The following JAKMIP3 variants were observed in gnomAD, a reference collection of about 807,000 sequenced individuals.
The protein encoded by JAKMIP3 is janus kinase and microtubule-interacting protein 3.
A neutral mutation model predicts 118.5 loss-of-function variants in JAKMIP3; 58 were observed. That is an observed-to-expected ratio of 0.49 (90% CI 0.40 to 0.61). JAKMIP3 has a LOEUF of 0.61. Ranked by LOEUF, JAKMIP3 falls within the 20% of genes least tolerant of loss-of-function variation. The pLI is 0.00. For missense variants in JAKMIP3, 950 were observed against 1,109.0 expected, an observed-to-expected ratio of 0.86 and a Z score of 2.04; for synonymous variants, 486 against 451.2, an observed-to-expected ratio of 1.08 and a Z score of -0.98.
chr10:132,161,525 C>CGTG (rs2058320238), intron 19 of JAKMIP3, among the ~76,000 whole-genome samples: 1 of 51,776 alleles, frequency 1.9e-5, no homozygotes, highest in Non-Finnish European at 3.6e-5. Flanking sequence ...GCTGGGGGGC[C>CGTG]TCTCCCTGTG....
At chr10:132,138,284 C>T (rs758135838) in intron 9 of JAKMIP3, 106 bp downstream of exon 9, 105 of 1,025,758 alleles carry the variant, frequency 1.0e-4, no homozygotes, top group Middle Eastern at 5.8e-4. Context: ...AGGGGTGCGC[C>T]GGTGTACGTG....
chr10:132,062,787 C>T (rs2038441314), upstream of JAKMIP3, among the ~76,000 whole-genome samples: 1 of 152,180 alleles, frequency 6.6e-6, no homozygotes, highest in Admixed American at 6.5e-5. Context: ...GGCAGGATTC[C>T]AGGAGGAGGT....
intron 1 of JAKMIP3, among the ~76,000 whole-genome samples, chr10:132,037,879 G>C (rs981261718): frequency 6.6e-6 from 1 of 152,228 alleles, no homozygotes. Flanking sequence ...GGGCTGCTCT[G>C]GGGCTGTAGA....
At chr10:132,121,156 A>G (rs1165347579) in intron 3 of JAKMIP3, among the ~76,000 whole-genome samples, 2 of 152,102 alleles carry the variant, frequency 1.3e-5, no homozygotes, top group East Asian at 3.9e-4. Flanking sequence ...CCCTGCCCCA[A>G]GTGTCAGCAG....
chr10:132,101,794 G>A (rs2044969384), intron 1 of JAKMIP3, among the ~76,000 whole-genome samples: 1 of 152,112 alleles, frequency 6.6e-6, no homozygotes, highest in Non-Finnish European at 1.5e-5. Context: ...AAGTGGGAAA[G>A]AACACCCTTG....
intron 1 of JAKMIP3, among the ~76,000 whole-genome samples, chr10:132,052,298 G>A (rs2133814457): frequency 6.6e-6 from 1 of 152,322 alleles, no homozygotes; most frequent in Non-Finnish European, 1.5e-5. Flanking sequence ...TCAGCTGTTA[G>A]TCTAAATGTC....
rs184381417 is a variant in JAKMIP3 at position 132,092,930 on chromosome 10, G to A, written c.-137-11742G>A. On this transcript the variant is annotated intron_variant, in intron 1 of 23. Coordinates refer to ENST00000684848, the MANE Select transcript of JAKMIP3 (RefSeq NM_001323087.2). ...ACCTTTGATCTTTTTTGATGGTGAC[G>A]TACAGATGGGGTTTTTGGTGTGGAT... 3.6e-4 allele frequency among the ~76,000 whole-genome samples: 55 copies of A among 152,208 alleles called. 1 individual carries two copies. Among genetic ancestry groups the A allele is most frequent in the East Asian group, 2.3e-3 (12 of 5,180 alleles).
rs1017237595 is a variant in JAKMIP3 at position 132,168,608 on chromosome 10, G to A, written c.*678G>A. On this transcript the variant is annotated 3_prime_UTR_variant, in exon 23 of 24. Coordinates refer to ENST00000684848, the MANE Select transcript of JAKMIP3 (RefSeq NM_001323087.2). ...ACAAGAGCCGTGGCCGCCGCGGGCCGCGTGGTGCCATCAACCCTCTGCCTC... is the reference window on the plus strand; with the variant it reads ...ACAAGAGCCGTGGCCGCCGCGGGCCACGTGGTGCCATCAACCCTCTGCCTC... 3.7e-5 allele frequency: 13 copies of A among 354,042 alleles called. No individual in the cohort carries two copies. The highest frequency in any genetic ancestry group is 8.5e-5 in the South Asian group (4 of 47,130). The allele number at this position is 354,042 out of a possible 1,614,324, so 21.9% of individuals were successfully genotyped here.
intron 10 of JAKMIP3, 76 bp downstream of exon 10, chr10:132,140,655 G>A (rs2053324940): frequency 6.8e-7 from 1 of 1,461,278 alleles, no homozygotes; most frequent in Non-Finnish European, 9.2e-7. Flanking sequence ...GGGCTTGGAG[G>A]AGGTAACGAG....
chr10:132,119,882 C>T (rs903190565), intron 3 of JAKMIP3, among the ~76,000 whole-genome samples: 1 of 152,158 alleles, frequency 6.6e-6, no homozygotes. Context: ...ATGTTACAAC[C>T]AATTCAAATG....
At chr10:132,080,887 C>A (rs1358678709) in intron 1 of JAKMIP3, among the ~76,000 whole-genome samples, 1 of 152,172 alleles carries the variant, frequency 6.6e-6, no homozygotes, top group Non-Finnish European at 1.5e-5. Flanking sequence ...CAAATATTTT[C>A]TCTCATCCCA....
chr10:132,113,807 G>A (rs2047218472), intron 2 of JAKMIP3, among the ~76,000 whole-genome samples: 1 of 152,248 alleles, frequency 6.6e-6, no homozygotes, highest in African/African-American at 2.4e-5. Flanking sequence ...GTGGATGTGA[G>A]ATGGACCTGG....
intron 1 of JAKMIP3, among the ~76,000 whole-genome samples, chr10:132,054,840 C>T (rs2038195208): frequency 6.6e-6 from 1 of 152,214 alleles, no homozygotes. Flanking sequence ...AGCCCTGGCC[C>T]TGAGGCCTGG....
intron 13 of JAKMIP3, among the ~76,000 whole-genome samples, chr10:132,146,012 A>G (rs1351624903): frequency 3.3e-5 from 5 of 152,276 alleles, no homozygotes; most frequent in Admixed American, 2.6e-4. Flanking sequence ...GGAAGAGCCC[A>G]TGGACCAGCC....
Position 132,104,783 on chromosome 10 carries a change from C to A in JAKMIP3, c.-26C>A. The A allele has an allele frequency of 6.5e-7, 1 of 1,545,468 alleles. No individual in the cohort carries two copies. ...CCAGCCGGAGCACCCTACCCCTGGGCATCCCCCTGGCCATCCAGCCTCACC... is the reference window on the plus strand; with the variant it reads ...CCAGCCGGAGCACCCTACCCCTGGGAATCCCCCTGGCCATCCAGCCTCACC... On this transcript the variant is annotated 5_prime_UTR_variant, in exon 2 of 24. Coordinates refer to ENST00000684848, the MANE Select transcript of JAKMIP3 (RefSeq NM_001323087.2).
intron 1 of JAKMIP3, among the ~76,000 whole-genome samples, chr10:132,082,093 T>C (rs2041845849): frequency 6.6e-6 from 1 of 151,390 alleles, no homozygotes; most frequent in Non-Finnish European, 1.5e-5. Context: ...ATTTAATTTT[T>C]ATTATTTTGC....
At chr10:132,148,540 G>A (rs11146214) in intron 14 of JAKMIP3, among the ~76,000 whole-genome samples, 76,661 of 151,758 alleles carry the variant, frequency 0.51, 20,436 homozygotes, top group Admixed American at 0.7. Context: ...ATCCGCCCCC[G>A]TGGCCCTGCT....
At chr10:132,102,603 G>A (rs771458076) in intron 1 of JAKMIP3, among the ~76,000 whole-genome samples, 4 of 152,166 alleles carry the variant, frequency 2.6e-5, no homozygotes, top group East Asian at 3.9e-4. Context: ...CAGGCTCCTC[G>A]TGGTTCCTGG....
At chr10:132,163,049 C>T (rs1459427235) in intron 19 of JAKMIP3, among the ~76,000 whole-genome samples, 160 bp from the exon 20 acceptor site, 2 of 152,214 alleles carry the variant, frequency 1.3e-5, no homozygotes, top group African/African-American at 2.4e-5. Context: ...TCCGTGGGGC[C>T]CCTGGTCCTT....
Sources: gnomAD v4.1 joint callset for allele counts (sites outside exome capture counted in the v4.1 genomes callset) on GRCh38, gnomAD v4.1.1 for gene constraint, MANE v1.5 for transcripts, NCBI Gene and HGNC (gene_info 2026-07-23, HGNC 2026-07-21) for gene names.